The following SMCHD1 variants were observed in gnomAD, a reference collection of about 807,000 sequenced individuals.
SMCHD1 encodes structural maintenance of chromosomes flexible hinge domain containing 1.
A neutral mutation model predicts 254.7 loss-of-function variants in SMCHD1; 78 were observed. The observed-to-expected ratio is 0.31, with a 90% CI of 0.26 to 0.37. The LOEUF is 0.37. SMCHD1 is among the 10% of genes least tolerant of loss of function. The pLI, the probability that SMCHD1 is intolerant of heterozygous loss-of-function variation, is 1.00. For synonymous variants in SMCHD1, 766 were observed against 794.9 expected (o/e 0.96, Z 0.61); for missense variants, 1,840 against 2,408.1 (o/e 0.76, Z 4.94).
At chr18:2,660,328 AAAAC>A (rs991529505) in intron 1 of SMCHD1, among the ~76,000 whole-genome samples, 32 of 152,180 alleles carry the variant, frequency 2.1e-4, no homozygotes, top group East Asian at 1.9e-4. Flanking sequence ...CTTGTCTCAA[AAAAC>A]AAACAAACAA....
At position 2,686,898 on chromosome 18, in the gene SMCHD1, C is replaced by T. The variant is rs528997316; in HGVS notation, c.639-1496C>T. On this transcript the variant is annotated intron_variant, in intron 5 of 47. Transcript: ENST00000320876. ...ACCAATTAAAATGTTTTTGTTTATC[C>T]CATTCTTTCTGTTTCTGTTTCTTCT... Among the ~76,000 whole-genome samples the T allele has an allele frequency of 2.0e-5, 3 of 151,624 alleles. No individual in the cohort carries two copies. The East Asian group carries it at 5.8e-4, about 29-fold the overall frequency.
intron 30 of SMCHD1, among the ~76,000 whole-genome samples, chr18:2,748,378 G>GTATA (rs71159005): frequency 0.38 from 21,348 of 55,754 alleles, 3,960 homozygotes; most frequent in Non-Finnish European, 0.45. Flanking sequence ...GTGTGTGTGT[G>GTATA]TGTGTATATA....
chr18:2,698,375 A>G (rs1598332431), intron 10 of SMCHD1, among the ~76,000 whole-genome samples: 1 of 152,132 alleles, frequency 6.6e-6, no homozygotes, highest in South Asian at 2.1e-4. Flanking sequence ...CATATTTACT[A>G]ACTTTTTCTT....
intron 5 of SMCHD1, among the ~76,000 whole-genome samples, chr18:2,686,267 A>G (rs1370705416): frequency 1.3e-5 from 2 of 152,200 alleles, no homozygotes; most frequent in Admixed American, 6.5e-5. Context: ...TTGAGCACCA[A>G]TGTGACACTT....
At chr18:2,658,044 C>T (rs2073126367) in intron 1 of SMCHD1, among the ~76,000 whole-genome samples, 1 of 152,112 alleles carries the variant, frequency 6.6e-6, no homozygotes, top group Non-Finnish European at 1.5e-5. Flanking sequence ...CCACCCGCCT[C>T]CCAAAGTGCT....
chr18:2,714,479 G>A (rs971537777), intron 17 of SMCHD1, among the ~76,000 whole-genome samples: 1 of 151,920 alleles, frequency 6.6e-6, no homozygotes, highest in Admixed American at 6.6e-5. Context: ...TTCAAGGTTA[G>A]TATTTATATG....
rs181970560 is a variant in SMCHD1, at chr18:2,784,820, T to G, written c.5719+199T>G. On this transcript the variant is annotated intron_variant, in intron 45 of 47. Transcript: ENST00000320876. ...AGTTATGTAAATAGTAGCTTTATCC[T>G]TTGTATTTTCATTCTTATATGTAGT... The G allele has an allele frequency of 4.3e-4, 271 of 629,082 alleles. No homozygotes were observed. In the African/African-American group the frequency reaches 4.5e-3, roughly 10 times the overall value. The allele number at this position is 629,082 out of a possible 1,614,324, so 39.0% of individuals were successfully genotyped here.
chr18:2,750,172 C>T, intron 31 of SMCHD1, 50 bp downstream of exon 31: 1 of 1,525,236 alleles, frequency 6.6e-7, no homozygotes, highest in Non-Finnish European at 8.9e-7. Context: ...ATTCGTTTTT[C>T]TTACTGCTTG....
At chr18:2,738,349 A>C in intron 25 of SMCHD1, 48 bp from the exon 26 acceptor site, 1 of 1,181,464 alleles carries the variant, frequency 8.5e-7, no homozygotes, top group Admixed American at 3.4e-5. Context: ...GCAGTAAGAG[A>C]ACATTAGACG....
At chr18:2,760,582 G>A in intron 34 of SMCHD1, 70 bp from the exon 35 acceptor site, 1 of 856,922 alleles carries the variant, frequency 1.2e-6, no homozygotes. Flanking sequence ...GAACAGAAAT[G>A]TTGACTCTTT....
intron 15 of SMCHD1, among the ~76,000 whole-genome samples, chr18:2,706,861 G>A (rs2074526566): frequency 6.6e-6 from 1 of 152,180 alleles, no homozygotes; most frequent in Non-Finnish European, 1.5e-5. Context: ...AAGCAAGGAG[G>A]TTTAATTGAC....
rs191201944 is a variant in SMCHD1, at chr18:2,658,561, G to A, written c.186+2300G>A. 2.3e-3 allele frequency among the ~76,000 whole-genome samples: 346 copies of A among 152,136 alleles called. 5 individuals carry two copies. The highest frequency in any genetic ancestry group is 0.021 in the Admixed American group (315 of 15,280). On this transcript the variant is annotated intron_variant, in intron 1 of 47. Transcript: ENST00000320876. ...CTCCCACTTTATCCTGCTAGAAAAC[G>A]TTTTAAATTTAGTTAGAAATGAGAG...
chr18:2,714,236 A>G, intron 17 of SMCHD1, among the ~76,000 whole-genome samples: 1 of 152,176 alleles, frequency 6.6e-6, no homozygotes, highest in Non-Finnish European at 1.5e-5. Flanking sequence ...CTTTAACATT[A>G]TATAATTTTT....
rs1568198129 is a variant in SMCHD1, at chr18:2,708,880, ATATATATATATATATATATATATATAT to A, written c.2260+961_2260+987del. Among the ~76,000 whole-genome samples the A allele has an allele frequency of 3.7e-3, 224 of 60,874 alleles. 25 individuals are homozygous for A. The highest frequency in any genetic ancestry group is 0.02 in the East Asian group (25 of 1,250). 39.9% of individuals were successfully genotyped at this position (60,874 alleles called of 152,430 possible). ...TTTCAATAACTTCATATATATATAT[ATATATATATATATATATATATATATAT>A]AACATATTAACATGAAATTTATGAA... is the stretch of plus-strand genomic sequence containing the variant. On this transcript the variant is annotated intron_variant, in intron 17 of 47. Coordinates refer to ENST00000320876, the MANE Select transcript of SMCHD1 (RefSeq NM_015295.3).
At chr18:2,785,670 A>AAAAAAAAAAAAAAAAAAAAAAG (rs57180698) in intron 45 of SMCHD1, among the ~76,000 whole-genome samples, 1 of 97,932 alleles carries the variant, frequency 1.0e-5, no homozygotes. Flanking sequence ...AAAAAAAAAA[A>AAAAAAAAAAAAAAAAAAAAAAG]ACAGTTCATT....
intron 5 of SMCHD1, among the ~76,000 whole-genome samples, chr18:2,688,173 T>C (rs1327955716): frequency 6.6e-6 from 1 of 152,222 alleles, no homozygotes; most frequent in Non-Finnish European, 1.5e-5. Context: ...CCCAAGAGTT[T>C]GCATTTCTTA....
At position 2,738,557 on chromosome 18, in the gene SMCHD1, CATT is replaced by C. The variant is rs748789868; in HGVS notation, c.3425+15_3425+17del. ...GCGTTTACAGTAAGGTTTGTGGACT[CATT>C]ATATTTTGCAGCCTATGGCAACAAA... On this transcript the variant is annotated intron_variant, in intron 26 of 47. Transcript: ENST00000320876. The C allele has an allele frequency of 8.2e-6, 13 of 1,593,332 alleles. No individual in the cohort carries two copies. Among genetic ancestry groups the C allele is most frequent in the South Asian group, 2.3e-5 (2 of 88,182 alleles).
At chr18:2,780,237 C>T (rs2076132423) in intron 44 of SMCHD1, among the ~76,000 whole-genome samples, 1 of 29,834 alleles carries the variant, frequency 3.4e-5, no homozygotes, top group African/African-American at 2.0e-4. Context: ...AAGACTCTAT[C>T]TAAAAAAAAA....
At chr18:2,662,188 T>A (rs1442087374) in intron 1 of SMCHD1, among the ~76,000 whole-genome samples, 6,350 of 74,838 alleles carry the variant, frequency 0.085, 505 homozygotes, top group Admixed American at 0.11. Context: ...ATAAAATAAA[T>A]AAATAAATAA....
Sources: allele counts gnomAD v4.1 joint callset (sites outside exome capture counted in the v4.1 genomes callset), GRCh38; gene constraint gnomAD v4.1.1; transcripts MANE v1.5; gene names NCBI Gene and HGNC (gene_info 2026-07-23, HGNC 2026-07-21).